The following SHISA9 variants were observed in gnomAD, a reference collection of about 807,000 sequenced individuals.
SHISA9 encodes protein shisa-9.
A neutral mutation model predicts 38.0 loss-of-function variants in SHISA9; 13 were observed. That is an observed-to-expected ratio of 0.34 (90% confidence interval 0.22 to 0.54). The LOEUF (loss-of-function observed/expected upper bound fraction) is 0.54. SHISA9 is among the 20% of genes least tolerant of loss of function. The pLI is 0.91. For missense variants in SHISA9, 538 were observed against 575.8 expected (o/e 0.93, Z 0.67); for synonymous variants, 275 against 242.0 (o/e 1.14, Z -1.27).
chr16:13,458,184 A>G, the SHISA9 span: 2 of 191,794 alleles, frequency 1.0e-5, no homozygotes, highest in African/African-American at 4.8e-5. Flanking sequence ...TCAACCTATC[A>G]AACCAAGCAG....
chr16:12,941,358 T>A (rs1013269243), intron 2 of SHISA9, among the ~76,000 whole-genome samples: 103 of 151,172 alleles, frequency 6.8e-4, no homozygotes, highest in Non-Finnish European at 1.2e-3. Context: ...CTAAAAAAAA[T>A]AATTTAATTG....
At chr16:13,511,523 G>T in the SHISA9 span, among the ~76,000 whole-genome samples, 2 of 152,138 alleles carry the variant, frequency 1.3e-5, no homozygotes, top group Non-Finnish European at 2.9e-5. Flanking sequence ...TAAAAATGGG[G>T]TACAATAAAG....
intron 2 of SHISA9, among the ~76,000 whole-genome samples, chr16:13,140,356 T>C (rs1483694832): frequency 6.6e-6 from 1 of 151,864 alleles, no homozygotes; most frequent in East Asian, 1.9e-4. Context: ...TTTGTATTTT[T>C]AGTAGAGACA....
chr16:13,402,823 A>C, the SHISA9 span, among the ~76,000 whole-genome samples: 17 of 152,224 alleles, frequency 1.1e-4, no homozygotes, highest in Non-Finnish European at 2.2e-4. Context: ...GAACTGTTAC[A>C]AAATAAATTT....
chr16:13,382,356 C>G, the SHISA9 span, among the ~76,000 whole-genome samples: 24 of 150,842 alleles, frequency 1.6e-4, no homozygotes, highest in South Asian at 5.1e-3. Context: ...GGCAAAACCC[C>G]GTCTCTACTA....
chr16:13,356,197 C>G, the SHISA9 span, among the ~76,000 whole-genome samples: 2 of 152,096 alleles, frequency 1.3e-5, no homozygotes, highest in East Asian at 1.9e-4. Flanking sequence ...TTAATTAAAT[C>G]CTGTTGTGGG....
chr16:13,001,835 TA>T (rs1394295088), intron 2 of SHISA9, among the ~76,000 whole-genome samples: 2 of 152,098 alleles, frequency 1.3e-5, no homozygotes, highest in African/African-American at 4.8e-5. Flanking sequence ...TTGAAATGCA[TA>T]AAAAATCAAT....
the SHISA9 span, among the ~76,000 whole-genome samples, chr16:13,248,524 G>C: frequency 1.3e-5 from 2 of 152,110 alleles, no homozygotes; most frequent in Non-Finnish European, 2.9e-5. Flanking sequence ...GTGACCTTGG[G>C]GAAGCTACTG....
At chr16:13,098,054 C>G (rs2073844361) in intron 2 of SHISA9, among the ~76,000 whole-genome samples, 1 of 152,234 alleles carries the variant, frequency 6.6e-6, no homozygotes, top group African/African-American at 2.4e-5. Context: ...TTTGGCACCA[C>G]TGTTACCACC....
intron 3 of SHISA9, among the ~76,000 whole-genome samples, chr16:13,204,206 G>GTCTATCTATCTATCTATCTA (rs760365316): frequency 7.2e-6 from 1 of 138,052 alleles, no homozygotes; most frequent in African/African-American, 2.6e-5. Context: ...TTATCTGTCT[G>GTCTATCTATCTATCTATCTA]TCTGTCTATC....
the SHISA9 span, among the ~76,000 whole-genome samples, chr16:13,479,605 T>C: frequency 6.6e-6 from 1 of 151,912 alleles, no homozygotes; most frequent in African/African-American, 2.4e-5. Flanking sequence ...TATATATACT[T>C]TCATTATTCA....
the SHISA9 span, among the ~76,000 whole-genome samples, chr16:13,295,782 C>T: frequency 6.6e-6 from 1 of 152,138 alleles, no homozygotes; most frequent in Non-Finnish European, 1.5e-5. Context: ...AAATTTATCA[C>T]ACAATGCAGT....
intron 2 of SHISA9, among the ~76,000 whole-genome samples, chr16:13,017,062 C>T (rs909646431): frequency 5.3e-5 from 8 of 151,510 alleles, no homozygotes; most frequent in Non-Finnish European, 1.2e-4. Flanking sequence ...CTCTGTCACC[C>T]AGGCTGGAGT....
chr16:13,520,624 A>AG, the SHISA9 span, among the ~76,000 whole-genome samples: 1 of 150,650 alleles, frequency 6.6e-6, no homozygotes, highest in African/African-American at 2.4e-5. Context: ...AAAAAAAAAA[A>AG]AAGTTATAGG....
chr16:12,910,428 G>T, intron 1 of SHISA9: 1 of 982,306 alleles, frequency 1.0e-6, no homozygotes, highest in South Asian at 4.7e-5. Context: ...CCCTTGAAGA[G>T]CAAACAGCCA....
intron 2 of SHISA9, among the ~76,000 whole-genome samples, chr16:13,190,565 C>G (rs2050874826): frequency 6.6e-6 from 1 of 152,178 alleles, no homozygotes; most frequent in African/African-American, 2.4e-5. Context: ...AGGTGGCCCT[C>G]TCTTGTGCTT....
intron 2 of SHISA9, among the ~76,000 whole-genome samples, chr16:13,153,046 G>T (rs1056818996): frequency 6.6e-6 from 1 of 152,098 alleles, no homozygotes; most frequent in Non-Finnish European, 1.5e-5. Context: ...CTGAGCCAAA[G>T]AATATGCCAG....
chr16:13,022,486 C>G (rs926130072), intron 2 of SHISA9, among the ~76,000 whole-genome samples: 2 of 152,090 alleles, frequency 1.3e-5, no homozygotes, highest in Non-Finnish European at 2.9e-5. Context: ...CATGTGCCAC[C>G]ACACCCGGCT....
the SHISA9 span, among the ~76,000 whole-genome samples, chr16:13,545,777 T>G: frequency 6.6e-6 from 1 of 152,144 alleles, no homozygotes; most frequent in Non-Finnish European, 1.5e-5. Flanking sequence ...GAACTCTCCA[T>G]GATGGCACCA....
Sources: allele counts gnomAD v4.1 joint callset (sites outside exome capture counted in the v4.1 genomes callset), GRCh38; gene constraint gnomAD v4.1.1; transcripts MANE v1.5; gene names NCBI Gene and HGNC (gene_info 2026-07-23, HGNC 2026-07-21).